The following GSG1L variants were observed in gnomAD, a reference collection of about 807,000 sequenced individuals.
The protein encoded by GSG1L is GSG1 like.
Under a neutral mutation model 42.1 loss-of-function variants are expected in GSG1L, and 24 were observed. The ratio of observed to expected loss-of-function variants is 0.57; its 90% CI spans 0.41 to 0.80. GSG1L has a LOEUF of 0.80. Among genes scored for constraint, GSG1L ranks in the 30% least tolerant of loss-of-function variants. The pLI is 0.00. For missense variants in GSG1L, 445 were observed against 472.2 expected (o/e 0.94, Z 0.53); for synonymous variants, 215 against 203.5 (o/e 1.06, Z -0.48).
At chr16:27,947,384 A>AAGAAAGAAAGAAAGAAAGAAAG (rs373703555) in intron 2 of GSG1L, among the ~76,000 whole-genome samples, 4 of 130,678 alleles carry the variant, frequency 3.1e-5, no homozygotes, top group African/African-American at 1.2e-4. Context: ...GAAAGAAAGA[A>AAGAAAGAAAGAAAGAAAGAAAG]AAAGAAAGAA....
chr16:27,910,126 C>CTTT (rs11455704), intron 2 of GSG1L, among the ~76,000 whole-genome samples: 13 of 136,938 alleles, frequency 9.5e-5, no homozygotes, highest in Admixed American at 1.4e-4. Context: ...TGCCTGGCTA[C>CTTT]TTTTTTTTTT....
At chr16:27,889,609 G>T (rs995743874) in intron 2 of GSG1L, among the ~76,000 whole-genome samples, 1 of 151,980 alleles carries the variant, frequency 6.6e-6, no homozygotes, top group Non-Finnish European at 1.5e-5. Flanking sequence ...TCTCTTAGCC[G>T]CCATCAATGC....
intron 2 of GSG1L, among the ~76,000 whole-genome samples, chr16:27,923,734 G>A (rs928515778): frequency 1.0e-3 from 133 of 129,000 alleles, no homozygotes; most frequent in South Asian, 1.5e-3. Flanking sequence ...ACTCTGTCAA[G>A]AAAAAAAAAA....
intron 3 of GSG1L, among the ~76,000 whole-genome samples, chr16:27,853,170 T>C (rs1314783922): frequency 6.6e-6 from 1 of 152,180 alleles, no homozygotes; most frequent in African/African-American, 2.4e-5. Flanking sequence ...TCTGAACGTA[T>C]CTAAAATATC....
At position 28,000,560 on chromosome 16, in the gene GSG1L, C is replaced by T. The variant is rs74015194; in HGVS notation, c.350-37357G>A. Among the ~76,000 whole-genome samples the T allele has an allele frequency of 7.7e-3, 1,177 of 152,184 alleles. 15 individuals carry two copies. The highest frequency in any genetic ancestry group is 0.026 in the African/African-American group (1,084 of 41,508). The stretch of plus-strand genomic sequence containing the variant: ...AAATGATGACATGAGGCAGATGTTA[C>T]GTGCTGATTTTCCCCTCCAGACTGG... On this transcript the variant is annotated intron_variant, in intron 1 of 6. Coordinates refer to ENST00000447459, the MANE Select transcript of GSG1L (RefSeq NM_001109763.2).
chr16:27,828,327 T>C (rs145890829), intron 5 of GSG1L, among the ~76,000 whole-genome samples: 1,621 of 152,296 alleles, frequency 0.011, 28 homozygotes, highest in Admixed American at 0.041. Flanking sequence ...CCTCCTCTAA[T>C]CCCAGCTGGA....
In GSG1L at chr16:28,060,953, G is replaced by A. The variant is rs1181727599; in HGVS notation, c.349+2123C>T. On this transcript the variant is annotated intron_variant, in intron 1 of 6. Transcript: ENST00000447459. ...AATAATTGTAGCAAGTACTGGGACC[G>A]TGACCTTCAGGGAGCAGCCAACAGA... Among the ~76,000 whole-genome samples the A allele has an allele frequency of 3.9e-5, 6 of 152,180 alleles. No individual in the cohort carries two copies. In the South Asian group the frequency reaches 6.2e-4, roughly 16 times the overall value.
chr16:27,959,158 C>G (rs1481098751), intron 2 of GSG1L, among the ~76,000 whole-genome samples: 1 of 148,790 alleles, frequency 6.7e-6, no homozygotes, highest in Non-Finnish European at 1.5e-5. Context: ...TAGGTAGCTT[C>G]AGGATAGGGG....
intron 2 of GSG1L, among the ~76,000 whole-genome samples, chr16:27,945,539 G>C (rs938956973): frequency 8.5e-5 from 13 of 152,200 alleles, no homozygotes; most frequent in African/African-American, 3.1e-4. Context: ...AGATTCTGCA[G>C]ACAAGCAGGG....
chr16:27,832,152 T>G (rs2083281082), intron 4 of GSG1L, among the ~76,000 whole-genome samples: 1 of 152,216 alleles, frequency 6.6e-6, no homozygotes, highest in South Asian at 2.1e-4. Flanking sequence ...TACTCTTGTT[T>G]TTCAATTAAA....
At chr16:27,860,531 G>C (rs965781570) in intron 3 of GSG1L, among the ~76,000 whole-genome samples, 3 of 152,238 alleles carry the variant, frequency 2.0e-5, no homozygotes, top group Non-Finnish European at 4.4e-5. Context: ...CACCTTCCCA[G>C]AGACAAATTG....
At chr16:27,893,494 C>T (rs1048213271) in intron 2 of GSG1L, among the ~76,000 whole-genome samples, 1 of 152,160 alleles carries the variant, frequency 6.6e-6, no homozygotes, top group African/African-American at 2.4e-5. Context: ...ATCACACAAG[C>T]CCGACATTTG....
At chr16:27,981,119 C>T (rs1026500089) in intron 1 of GSG1L, among the ~76,000 whole-genome samples, 1 of 152,100 alleles carries the variant, frequency 6.6e-6, no homozygotes, top group African/African-American at 2.4e-5. Flanking sequence ...GTCCCACACA[C>T]CCTCCAGAGA....
At chr16:27,913,789 G>A (rs1006557647) in intron 2 of GSG1L, among the ~76,000 whole-genome samples, 9 of 151,908 alleles carry the variant, frequency 5.9e-5, no homozygotes, top group African/African-American at 1.5e-4. Context: ...AAAGTCTGCT[G>A]CCCCAGGGCT....
chr16:27,981,810 G>A (rs148791090), intron 1 of GSG1L, among the ~76,000 whole-genome samples: 89 of 152,312 alleles, frequency 5.8e-4, no homozygotes, highest in African/African-American at 2.0e-3. Context: ...TCTCAAGAAT[G>A]TTAAAGCTGA....
At chr16:27,869,576 TCACTCC>T in intron 3 of GSG1L, among the ~76,000 whole-genome samples, 4 of 142,466 alleles carry the variant, frequency 2.8e-5, no homozygotes, top group African/African-American at 5.5e-5. Flanking sequence ...TCTGTCTCCC[TCACTCC>T]CTCTCCTTCT....
intron 2 of GSG1L, among the ~76,000 whole-genome samples, chr16:27,914,216 A>G (rs1478684520): frequency 6.6e-6 from 1 of 152,220 alleles, no homozygotes; most frequent in Non-Finnish European, 1.5e-5. Flanking sequence ...TCCAAAATGA[A>G]TTCTTCAAGG....
intron 3 of GSG1L, among the ~76,000 whole-genome samples, chr16:27,861,370 A>G (rs1439278719): frequency 2.0e-5 from 3 of 151,904 alleles, no homozygotes; most frequent in African/African-American, 7.3e-5. Flanking sequence ...GTGAGACTCC[A>G]TTTCAAAAAA....
chr16:27,879,951 T>A (rs1264062982), intron 3 of GSG1L, among the ~76,000 whole-genome samples: 1 of 136,360 alleles, frequency 7.3e-6, no homozygotes, highest in African/African-American at 2.6e-5. Flanking sequence ...CTGTAATTGG[T>A]TAGAGAAAGG....
Sources: gnomAD v4.1 joint callset for allele counts (sites outside exome capture counted in the v4.1 genomes callset) on GRCh38, gnomAD v4.1.1 for gene constraint, MANE v1.5 for transcripts, NCBI Gene and HGNC (gene_info 2026-07-23, HGNC 2026-07-21) for gene names.